Variants in COL26A1 observed in about 807,000 individuals in gnomAD.
COL26A1 encodes the protein collagen type XXVI alpha 1 chain, also known as collagen alpha-1(XXVI) chain.
A neutral mutation model predicts 59.3 loss-of-function variants in COL26A1; 41 were observed. That is an observed-to-expected ratio of 0.69 (90% confidence interval 0.54 to 0.90). COL26A1 has a LOEUF of 0.90. Ranked by LOEUF, COL26A1 falls within the 40% of genes least tolerant of loss-of-function variation. The pLI is 0.00. For missense variants in COL26A1, 612 were observed against 602.3 expected, an observed-to-expected ratio of 1.02 and a Z score of -0.17; for synonymous variants, 266 against 256.0, an observed-to-expected ratio of 1.04 and a Z score of -0.37.
chr7:101,381,283 T>C (rs924699427), intron 1 of COL26A1, among the ~76,000 whole-genome samples: 1 of 152,188 alleles, frequency 6.6e-6, no homozygotes, highest in Non-Finnish European at 1.5e-5. Context: ...CAAAGGGCAT[T>C]ACTCCAACCT....
At chr7:101,494,093 G>A (rs1389950569) in intron 3 of COL26A1, among the ~76,000 whole-genome samples, 2 of 141,414 alleles carry the variant, frequency 1.4e-5, no homozygotes, top group South Asian at 2.2e-4. Context: ...GATTGGGAAC[G>A]AAGACACAGG....
At chr7:101,502,501 T>C (rs1386210469) in intron 3 of COL26A1, among the ~76,000 whole-genome samples, 1 of 152,176 alleles carries the variant, frequency 6.6e-6, no homozygotes, top group Non-Finnish European at 1.5e-5. Context: ...GGATTGGGCT[T>C]TCTATACTAA....
rs1044646097 is a variant in COL26A1, at chr7:101,547,244, G to A, written c.940+5G>A. 6.4e-7 allele frequency: 1 copy of A among 1,565,794 alleles called. No homozygotes were observed. The highest frequency in any genetic ancestry group is 1.4e-5 in the African/African-American group (1 of 73,644). On this transcript the variant is annotated splice_donor_5th_base_variant and intron_variant, in intron 8 of 12. Transcript: ENST00000313669. The stretch of plus-strand genomic sequence containing the variant: ...GGGGTCCCCCTGGTCCACCAGGTAA[G>A]TGAATGGTGGGCTGGCCTGCATTGA...
At position 101,543,999 on chromosome 7, in the gene COL26A1, G is replaced by A. The variant is rs773793488; in HGVS notation, c.606G>A (p.Gly202=). The A allele has an allele frequency of 6.4e-7, 1 of 1,561,880 alleles. No homozygotes were observed. Among genetic ancestry groups the A allele is most frequent in the East Asian group, 2.4e-5 (1 of 42,006 alleles). ...PRQRRPTGPA[G]PPGQTGPPGP... is the part of the protein sequence containing the mutation. Reference sequence around the variant, plus strand: ...TGCCCTGTCTCCTTCTCTCCCCAGGGCCCCCGGGGCAGACAGGACCACCAG... The same window carrying A: ...TGCCCTGTCTCCTTCTCTCCCCAGGACCCCCGGGGCAGACAGGACCACCAG... Residue 202 remains glycine (G), a splice_region_variant and synonymous_variant, in exon 6 of 13, where the codon GGG becomes GGA. Coordinates refer to ENST00000313669, the MANE Select transcript of COL26A1 (RefSeq NM_001278563.3).
chr7:101,381,395 TC>T (rs1391135423), intron 1 of COL26A1, among the ~76,000 whole-genome samples: 1 of 152,170 alleles, frequency 6.6e-6, no homozygotes, highest in Non-Finnish European at 1.5e-5. Flanking sequence ...CCCCTCAACT[TC>T]AGTATGCTTA....
chr7:101,510,944 A>G (rs986698565), intron 3 of COL26A1, among the ~76,000 whole-genome samples: 1 of 129,560 alleles, frequency 7.7e-6, no homozygotes, highest in African/African-American at 3.0e-5. Flanking sequence ...TCTGTCGCCC[A>G]GGCTGGAGTG....
At chr7:101,400,165 G>GGGA (rs1218376197) in intron 1 of COL26A1, among the ~76,000 whole-genome samples, 1 of 151,966 alleles carries the variant, frequency 6.6e-6, no homozygotes, top group African/African-American at 2.4e-5. Flanking sequence ...GGCAGGGGTG[G>GGGA]GGAGGGGAGT....
At chr7:101,363,343 GAC>G (rs1243723235) in intron 1 of COL26A1, among the ~76,000 whole-genome samples, 153 bp downstream of exon 1, 2 of 138,702 alleles carry the variant, frequency 1.4e-5, no homozygotes, top group Admixed American at 7.2e-5. Flanking sequence ...GGGGGCTGCA[GAC>G]ACCGGGCAGC....
chr7:101,499,896 AC>A (rs1269496486), intron 3 of COL26A1, among the ~76,000 whole-genome samples: 22 of 141,186 alleles, frequency 1.6e-4, no homozygotes, highest in Non-Finnish European at 2.6e-4. Context: ...AAAAAAAAAA[AC>A]ACCTTTGTTA....
intron 1 of COL26A1, among the ~76,000 whole-genome samples, chr7:101,417,453 G>A (rs1218212899): frequency 1.4e-5 from 2 of 143,942 alleles, no homozygotes; most frequent in African/African-American, 5.2e-5. Flanking sequence ...ACCCACTCCT[G>A]TGACCATACC....
At chr7:101,403,429 G>A (rs1460756068) in intron 1 of COL26A1, among the ~76,000 whole-genome samples, 1 of 152,124 alleles carries the variant, frequency 6.6e-6, no homozygotes, top group African/African-American at 2.4e-5. Context: ...TGAGGCAGGA[G>A]AATCACTTGA....
intron 1 of COL26A1, among the ~76,000 whole-genome samples, chr7:101,370,011 T>A (rs914957532): frequency 6.6e-6 from 1 of 151,822 alleles, no homozygotes; most frequent in African/African-American, 2.4e-5. Flanking sequence ...TACAGGCATG[T>A]GCCATCATGC....
intron 1 of COL26A1, among the ~76,000 whole-genome samples, chr7:101,371,549 G>A (rs1383596259): frequency 6.6e-6 from 1 of 151,294 alleles, no homozygotes; most frequent in Non-Finnish European, 1.5e-5. Context: ...CCTGGTGGAA[G>A]CTGAGGTAGG....
At chr7:101,420,673 C>T (rs1337177694) in intron 2 of COL26A1, among the ~76,000 whole-genome samples, 1 of 144,256 alleles carries the variant, frequency 6.9e-6, no homozygotes, top group Non-Finnish European at 1.5e-5. Context: ...CAGCTCTGCC[C>T]CTACCAGCCA....
chr7:101,452,462 A>G (rs1435055411), intron 3 of COL26A1, among the ~76,000 whole-genome samples: 2 of 152,142 alleles, frequency 1.3e-5, no homozygotes, highest in Non-Finnish European at 2.9e-5. Context: ...TATCCGATAA[A>G]CCACATTGAT....
At chr7:101,482,817 C>T (rs143036156) in intron 3 of COL26A1, among the ~76,000 whole-genome samples, 3,062 of 152,180 alleles carry the variant, frequency 0.02, 114 homozygotes, top group African/African-American at 0.069. Context: ...ATTAGCCAGG[C>T]GTGTTGGCAC....
At chr7:101,442,624 C>T (rs928902976) in intron 2 of COL26A1, among the ~76,000 whole-genome samples, 2 of 152,104 alleles carry the variant, frequency 1.3e-5, no homozygotes, top group Admixed American at 6.6e-5. Flanking sequence ...GTTTGAAAGG[C>T]GTGACTCCCC....
intron 1 of COL26A1, among the ~76,000 whole-genome samples, chr7:101,401,295 C>T (rs1328937809): frequency 6.6e-6 from 1 of 152,180 alleles, no homozygotes; most frequent in African/African-American, 2.4e-5. Flanking sequence ...AGAGGCAGCA[C>T]TGCTCTGAGC....
chr7:101,475,895 TC>T (rs2130478202), intron 3 of COL26A1, among the ~76,000 whole-genome samples: 1 of 139,898 alleles, frequency 7.1e-6, no homozygotes, highest in Non-Finnish European at 1.5e-5. Context: ...TCTCTTTCTT[TC>T]TCTCTCTTTC....
Sources: gnomAD v4.1 joint callset for allele counts (sites outside exome capture counted in the v4.1 genomes callset) on GRCh38, gnomAD v4.1.1 for gene constraint, MANE v1.5 for transcripts, NCBI Gene and HGNC (gene_info 2026-07-23, HGNC 2026-07-21) for gene names.